DST: variants seen among roughly 807,000 people sequenced by gnomAD.
The protein encoded by DST is bullous pemphigoid antigen.
In DST, 253 loss-of-function variants were observed where a neutral mutation model predicts 875.2. That is an observed-to-expected ratio of 0.29 (90% confidence interval 0.26 to 0.32). The LOEUF (loss-of-function observed/expected upper bound fraction) is 0.32, where lower values mean the gene tolerates loss of function less well. Among genes scored for constraint, DST ranks in the 10% least tolerant of loss-of-function variants. The pLI, the probability that DST is intolerant of heterozygous loss-of-function variation, is 1.00. For missense variants in DST, 8,287 were observed against 9,111.6 expected (o/e 0.91, Z 3.68); for synonymous variants, 3,124 against 3,197.1 (o/e 0.98, Z 0.77).
chr6:56,531,525 A>G (rs2096895417), intron 64 of DST, among the ~76,000 whole-genome samples: 1 of 152,216 alleles, frequency 6.6e-6, no homozygotes. Context: ...CCCTAAAGCT[A>G]TAATTAATTA....
At chr6:56,796,712 T>C (rs2099740271) in intron 4 of DST, among the ~76,000 whole-genome samples, 1 of 151,634 alleles carries the variant, frequency 6.6e-6, no homozygotes, top group Non-Finnish European at 1.5e-5. Context: ...ATAAACAATC[T>C]GATTAAAAAA....
At chr6:56,489,174 T>C (rs888956662) in intron 86 of DST, among the ~76,000 whole-genome samples, 2 of 152,220 alleles carry the variant, frequency 1.3e-5, no homozygotes, top group Admixed American at 6.5e-5. Context: ...ACAGCTATCA[T>C]GAAAAACTGA....
chr6:56,795,764 G>A (rs899146775), intron 4 of DST, among the ~76,000 whole-genome samples: 1 of 151,944 alleles, frequency 6.6e-6, no homozygotes, highest in Admixed American at 6.6e-5. Flanking sequence ...GAGAAGGGAG[G>A]ATGATCTTGA....
intron 9 of DST, among the ~76,000 whole-genome samples, chr6:56,698,117 C>T (rs1316048571): frequency 6.6e-6 from 1 of 152,050 alleles, no homozygotes; most frequent in Non-Finnish European, 1.5e-5. Flanking sequence ...GGCTGACTAA[C>T]ACCTTTTCCT....
chr6:56,612,175 A>G (rs2098551042), intron 37 of DST, among the ~76,000 whole-genome samples: 1 of 152,190 alleles, frequency 6.6e-6, no homozygotes, highest in Non-Finnish European at 1.5e-5. Context: ...GTTTGAGACC[A>G]GCCTGAGCAA....
Position 56,552,428 on chromosome 6 carries a change from G to A in DST, c.16364C>T (p.Thr5455Ile). The A allele has an allele frequency of 6.2e-7, 1 of 1,613,932 alleles. No individual in the cohort carries two copies. The highest frequency in any genetic ancestry group is 8.5e-7 in the Non-Finnish European group (1 of 1,179,878). The change falls in exon 61 of 104, where the codon ACC becomes ATC. Residue 5455 changes from threonine (T) to isoleucine (I), a missense_variant. Thr to Ile is a moderately conservative substitution (Grantham distance 89, BLOSUM62 -1). Transcript: ENST00000680361. Reference sequence around the variant, plus strand: ...TTTGATTCCAACAAGGTCAGGAGAGGTTTCTTCTGTGGCTAACATCATCTT... The same window carrying A: ...TTTGATTCCAACAAGGTCAGGAGAGATTTCTTCTGTGGCTAACATCATCTT... Reference protein sequence around the residue: ...TCKMMLATEETSPDLVGIKRD... With the variant: ...TCKMMLATEEISPDLVGIKRD...
chr6:56,710,921 T>C (rs1468249437), intron 5 of DST, among the ~76,000 whole-genome samples: 1 of 152,182 alleles, frequency 6.6e-6, no homozygotes, highest in African/African-American at 2.4e-5. Context: ...TAAGGCCACA[T>C]AGAATTCATC....
At chr6:56,783,557 T>A (rs2099698759) in intron 4 of DST, among the ~76,000 whole-genome samples, 1 of 152,188 alleles carries the variant, frequency 6.6e-6, no homozygotes, top group Non-Finnish European at 1.5e-5. Context: ...CCCTGCCTTT[T>A]TTTGTTTTCC....
intron 9 of DST, among the ~76,000 whole-genome samples, chr6:56,694,681 T>C (rs555650723): frequency 1.3e-5 from 2 of 152,064 alleles, no homozygotes; most frequent in African/African-American, 2.4e-5. Context: ...CTGATGAAGT[T>C]TAGATATTTG....
Position 56,604,701 on chromosome 6 carries a change from A to G in DST, c.9927T>C (p.Thr3309=), listed in dbSNP as rs1281761542. Residue 3309 remains threonine, a synonymous_variant, in exon 40 of 104, where the codon ACT becomes ACC. Transcript: ENST00000680361. ...TATTAATTTCTAAGAATGAATAGTC[A>G]GTATTTAAAGTGTTACTGGAGTTAT... ...GNDNSSNTLN[T]DYSFLEINNK... 6.2e-7 allele frequency: 1 copy of G among 1,611,962 alleles called. No homozygotes were observed. Among genetic ancestry groups the G allele is most frequent in the Non-Finnish European group, 8.5e-7 (1 of 1,178,844 alleles).
At chr6:56,838,941 A>G (rs1283589904) in intron 4 of DST, among the ~76,000 whole-genome samples, 3 of 152,258 alleles carry the variant, frequency 2.0e-5, no homozygotes, top group Admixed American at 2.0e-4. Context: ...TCCAAATTTT[A>G]AGTTCCCAAT....
chr6:56,876,348 T>A (rs968894373), intron 3 of DST, among the ~76,000 whole-genome samples: 2 of 152,198 alleles, frequency 1.3e-5, no homozygotes, highest in African/African-American at 4.8e-5. Context: ...CAGCATGCCA[T>A]GGCCCCATTC....
chr6:56,939,656 T>C (rs1024393446), intron 2 of DST, among the ~76,000 whole-genome samples: 1 of 152,172 alleles, frequency 6.6e-6, no homozygotes, highest in African/African-American at 2.4e-5. Context: ...TTCACTGTTT[T>C]TGCATTTTTT....
intron 4 of DST, among the ~76,000 whole-genome samples, chr6:56,825,328 C>T (rs1424887124): frequency 6.8e-6 from 1 of 147,166 alleles, no homozygotes; most frequent in Non-Finnish European, 1.5e-5. Context: ...ATCACCACTC[C>T]CTAATCTCAA....
At chr6:56,676,761 A>G (rs887019830) in intron 9 of DST, among the ~76,000 whole-genome samples, 3 of 152,132 alleles carry the variant, frequency 2.0e-5, no homozygotes, top group Non-Finnish European at 4.4e-5. Flanking sequence ...GGGAATGTTA[A>G]GCAAAATAAA....
At chr6:56,537,398 T>G (rs896376591) in intron 61 of DST, among the ~76,000 whole-genome samples, 2 of 152,328 alleles carry the variant, frequency 1.3e-5, no homozygotes, top group Admixed American at 6.5e-5. Flanking sequence ...AGCTGGCAAC[T>G]GAAGCTTGAG....
chr6:56,777,487 A>C (rs570252699), intron 4 of DST, among the ~76,000 whole-genome samples: 7 of 152,192 alleles, frequency 4.6e-5, no homozygotes, highest in Admixed American at 2.0e-4. Context: ...GACCCTGTAA[A>C]ACTTACAGCA....
intron 4 of DST, among the ~76,000 whole-genome samples, chr6:56,743,311 A>T (rs1029627171): frequency 5.3e-5 from 8 of 152,204 alleles, no homozygotes; most frequent in African/African-American, 1.9e-4. Flanking sequence ...CTTCAGCAAT[A>T]GAAAACCACC....
At chr6:56,792,403 A>G (rs1239822489) in intron 4 of DST, among the ~76,000 whole-genome samples, 1 of 152,198 alleles carries the variant, frequency 6.6e-6, no homozygotes, top group Non-Finnish European at 1.5e-5. Flanking sequence ...TACAGGAGAG[A>G]AAAAGTAGTA....
Sources: gnomAD v4.1 joint callset for allele counts (sites outside exome capture counted in the v4.1 genomes callset) on GRCh38, gnomAD v4.1.1 for gene constraint, MANE v1.5 for transcripts, NCBI Gene and HGNC (gene_info 2026-07-23, HGNC 2026-07-21) for gene names.